The following SMYD3 variants were observed in gnomAD, a reference collection of about 807,000 sequenced individuals.
SMYD3 encodes the protein SET and MYND domain containing 3, also known as histone-lysine N-methyltransferase SMYD3.
A neutral mutation model predicts 57.7 loss-of-function variants in SMYD3; 36 were observed. The ratio of observed to expected loss-of-function variants is 0.62; its 90% CI spans 0.48 to 0.82. The LOEUF (loss-of-function observed/expected upper bound fraction) is 0.82, where lower values mean the gene tolerates loss of function less well. SMYD3 is among the 40% of genes least tolerant of loss of function. The pLI, the probability that SMYD3 is intolerant of heterozygous loss-of-function variation, is 0.00. For synonymous variants in SMYD3, 211 were observed against 195.0 expected, an observed-to-expected ratio of 1.08 and a Z score of -0.68; for missense variants, 515 against 538.8, an observed-to-expected ratio of 0.96 and a Z score of 0.44.
At chr1:246,006,445 G>C (rs1230907898) in intron 5 of SMYD3, among the ~76,000 whole-genome samples, 1 of 152,126 alleles carries the variant, frequency 6.6e-6, no homozygotes, top group African/African-American at 2.4e-5. Context: ...CTGTTTCCCA[G>C]ACGGAACTCC....
At chr1:246,496,618 A>T (rs2068368953) in intron 1 of SMYD3, among the ~76,000 whole-genome samples, 2 of 152,148 alleles carry the variant, frequency 1.3e-5, no homozygotes, top group Non-Finnish European at 2.9e-5. Flanking sequence ...GCTTGAGCCC[A>T]GGAGTTCAAG....
intron 5 of SMYD3, among the ~76,000 whole-genome samples, chr1:246,304,888 T>C (rs2064954490): frequency 6.6e-6 from 1 of 152,194 alleles, no homozygotes; most frequent in South Asian, 2.1e-4. Flanking sequence ...CAATGAGACA[T>C]GAAACTTTCA....
chr1:246,426,884 T>G (rs2067226959), intron 1 of SMYD3, among the ~76,000 whole-genome samples: 1 of 152,108 alleles, frequency 6.6e-6, no homozygotes, highest in Non-Finnish European at 1.5e-5. Context: ...ATGTCTGCCC[T>G]CTCTACTTTA....
chr1:246,246,754 G>C (rs946918157), intron 5 of SMYD3, among the ~76,000 whole-genome samples: 16 of 151,374 alleles, frequency 1.1e-4, no homozygotes, highest in African/African-American at 3.9e-4. Flanking sequence ...GAGCCACATA[G>C]AAGATGCCCA....
In SMYD3 at chr1:246,199,259, C is replaced by T. The variant is rs368976375; in HGVS notation, c.531+127942G>A. On this transcript the variant is annotated intron_variant, in intron 5 of 11. Coordinates refer to ENST00000490107, the MANE Select transcript of SMYD3 (RefSeq NM_001167740.2). ...GGATTGTGCCTCAGGCTATGCTCCA[C>T]GTCTGCTACTACTCTAAGATCACGT... Among the ~76,000 whole-genome samples the T allele has an allele frequency of 3.5e-4, 54 of 152,324 alleles. 2 individuals are homozygous for T. The East Asian group carries it at 5.2e-3, about 15-fold the overall frequency.
chr1:246,436,700 C>T (rs558016739), intron 1 of SMYD3, among the ~76,000 whole-genome samples: 5 of 152,238 alleles, frequency 3.3e-5, no homozygotes, highest in African/African-American at 7.2e-5. Context: ...TGTCCTGCTT[C>T]GTTAGTCTCC....
intron 5 of SMYD3, among the ~76,000 whole-genome samples, chr1:246,207,084 A>T (rs2063011944): frequency 6.6e-6 from 1 of 152,152 alleles, no homozygotes; most frequent in South Asian, 2.1e-4. Context: ...AGGACTTCAG[A>T]TTACCTAAAA....
rs368174377 is a variant in SMYD3, at chr1:246,256,019, T to C, written c.531+71182A>G. Among the ~76,000 whole-genome samples the C allele has an allele frequency of 2.6e-5, 4 of 151,604 alleles. No individual in the cohort carries two copies. In the South Asian group the frequency reaches 8.3e-4, roughly 32 times the overall value. The stretch of plus-strand genomic sequence containing the variant: ...ACACATACATACATACATAGATACA[T>C]AGATAGATACATAGATATAAACGGG... On this transcript the variant is annotated intron_variant, in intron 5 of 11. Transcript: ENST00000490107.
At chr1:246,045,548 A>T (rs1219177552) in intron 5 of SMYD3, among the ~76,000 whole-genome samples, 1 of 152,070 alleles carries the variant, frequency 6.6e-6, no homozygotes, top group African/African-American at 2.4e-5. Context: ...AACCCAGGCA[A>T]TACCATTCAG....
At chr1:245,782,257 T>G (rs1340439187) in intron 10 of SMYD3, among the ~76,000 whole-genome samples, 1 of 152,228 alleles carries the variant, frequency 6.6e-6, no homozygotes, top group Non-Finnish European at 1.5e-5. Context: ...CCTGCAGCCA[T>G]GAATAATCTT....
chr1:246,115,087 G>T (rs540153723), intron 5 of SMYD3, among the ~76,000 whole-genome samples: 9 of 152,336 alleles, frequency 5.9e-5, no homozygotes, highest in Admixed American at 3.3e-4. Context: ...GACCAAAAAA[G>T]GCTAGAGTTT....
At chr1:246,111,904 A>G (rs2061250959) in intron 5 of SMYD3, among the ~76,000 whole-genome samples, 1 of 152,204 alleles carries the variant, frequency 6.6e-6, no homozygotes, top group East Asian at 1.9e-4. Flanking sequence ...TAATTCATAC[A>G]AACTGCACAG....
At chr1:246,016,792 G>A (rs1315430143) in intron 5 of SMYD3, among the ~76,000 whole-genome samples, 1 of 151,988 alleles carries the variant, frequency 6.6e-6, no homozygotes, top group Admixed American at 6.6e-5. Context: ...AAACAAGGAA[G>A]CTGGAATTAT....
chr1:245,988,621 T>C (rs1558562436), intron 5 of SMYD3: 2 of 152,322 alleles, frequency 1.3e-5, no homozygotes, highest in East Asian at 1.9e-4. Context: ...CCACGTCCTA[T>C]TGGCTTCAAG....
chr1:246,394,894 CA>C (rs1295576816), intron 1 of SMYD3, among the ~76,000 whole-genome samples: 1 of 151,478 alleles, frequency 6.6e-6, no homozygotes, highest in Non-Finnish European at 1.5e-5. Flanking sequence ...GACAGACCCC[CA>C]AACGTAGCTA....
At chr1:246,481,941 G>T (rs1239583218) in intron 1 of SMYD3, among the ~76,000 whole-genome samples, 1 of 151,676 alleles carries the variant, frequency 6.6e-6, no homozygotes, top group Non-Finnish European at 1.5e-5. Flanking sequence ...AGGATCACTC[G>T]AGTCCTGGAG....
chr1:246,254,701 G>C (rs935110986), intron 5 of SMYD3, among the ~76,000 whole-genome samples: 2 of 152,182 alleles, frequency 1.3e-5, no homozygotes, highest in African/African-American at 4.8e-5. Flanking sequence ...GAATAGTGTT[G>C]AATCTGTAGA....
chr1:245,771,443 C>A (rs560414408), intron 10 of SMYD3, among the ~76,000 whole-genome samples: 1 of 152,164 alleles, frequency 6.6e-6, no homozygotes. Flanking sequence ...CAGGAGATAG[C>A]CTCAAGTTTC....
intron 2 of SMYD3, among the ~76,000 whole-genome samples, chr1:246,352,506 C>T (rs1337027190): frequency 6.6e-6 from 1 of 152,202 alleles, no homozygotes; most frequent in East Asian, 1.9e-4. Context: ...TTGAGATAAA[C>T]ACAGCAGTTT....
Sources: gnomAD v4.1 joint callset for allele counts (sites outside exome capture counted in the v4.1 genomes callset) on GRCh38, gnomAD v4.1.1 for gene constraint, MANE v1.5 for transcripts, NCBI Gene and HGNC (gene_info 2026-07-23, HGNC 2026-07-21) for gene names.